Variants in ALLC observed in about 807,000 individuals in gnomAD.
ALLC encodes the protein allantoicase, also known as probable inactive allantoicase.
ALLC carries 40 observed loss-of-function variants against 45.0 expected under a neutral mutation model. The ratio of observed to expected loss-of-function variants is 0.89; its 90% CI spans 0.69 to 1.16. ALLC has a LOEUF of 1.16. ALLC is among the 50% of genes most tolerant of loss of function. The probability of loss-of-function intolerance (pLI) is 0.00; values close to 1 mark genes in which losing one functional copy is unlikely to be tolerated. For missense variants in ALLC, 488 were observed against 493.1 expected, an observed-to-expected ratio of 0.99 and a Z score of 0.10; for synonymous variants, 176 against 178.1, an observed-to-expected ratio of 0.99 and a Z score of 0.09.
Position 3,680,766 on chromosome 2 carries a change from C to T in ALLC, c.298+772C>T, listed in dbSNP as rs564700844. ...GCAGCCTCCAGAACAGGGAAGAGGG[C>T]GGTGTGCGTCACAGCCTCTGATTTG... On this transcript the variant is annotated intron_variant, in intron 5 of 11. Coordinates refer to ENST00000252505, the MANE Select transcript of ALLC (RefSeq NM_018436.4). The surrounding 1 kb of genome is among the most constrained non-coding windows in gnomAD (Gnocchi z 4.0). 3.3e-5 allele frequency among the ~76,000 whole-genome samples: 5 copies of T among 152,154 alleles called. No homozygotes were observed. Among genetic ancestry groups the T allele is most frequent in the East Asian group, 1.9e-4 (1 of 5,152 alleles).
intron 4 of ALLC, among the ~76,000 whole-genome samples, chr2:3,679,147 C>T (rs1454525975): frequency 1.3e-5 from 2 of 152,202 alleles, no homozygotes; most frequent in Admixed American, 1.3e-4. Flanking sequence ...TTTTTACTTG[C>T]CACTATCTCA....
intron 7 of ALLC, among the ~76,000 whole-genome samples, chr2:3,694,304 G>C (rs1667599580): frequency 1.3e-5 from 2 of 152,160 alleles, no homozygotes; most frequent in African/African-American, 2.4e-5. Flanking sequence ...TCATGTCCCA[G>C]CTCTTACTGG....
the ALLC span, among the ~76,000 whole-genome samples, chr2:3,651,319 GGGT>G: frequency 8.3e-5 from 4 of 48,466 alleles, no homozygotes; most frequent in African/African-American, 3.8e-4. Context: ...TGGGTGGGGG[GGGT>G]GTGTGTGTGT....
At chr2:3,668,875 C>T (rs1455517811) in intron 1 of ALLC, among the ~76,000 whole-genome samples, 1 of 151,876 alleles carries the variant, frequency 6.6e-6, no homozygotes, top group Non-Finnish European at 1.5e-5. Context: ...CGCGCCTGGC[C>T]ATGTGTATGA....
At chr2:3,653,577 A>G (rs147437934), upstream of ALLC, among the ~76,000 whole-genome samples, 1,095 of 151,910 alleles carry the variant, frequency 7.2e-3, 15 homozygotes, top group African/African-American at 0.025. The surrounding 1 kb of genome is among the most constrained non-coding windows in gnomAD (Gnocchi z 4.1). Flanking sequence ...ATTCCATCAC[A>G]GTTTGTTGGG....
Position 3,702,367 on chromosome 2 carries a change from C to A in ALLC, c.980C>A (p.Ser327Tyr). ...CTGCATCTGCTTGCTTTTCAGTTGT[C>A]TCCCAACCAAAGTCATCTGTTCGAT... is the stretch of plus-strand genomic sequence containing the variant. ...WKPLLPVTKL[S>Y]PNQSHLFDSL... The change falls in exon 12 of 12, where the codon TCT becomes TAT. Residue 327 changes from serine (S) to tyrosine (Y), a missense_variant. Coordinates refer to ENST00000252505, the MANE Select transcript of ALLC (RefSeq NM_018436.4). 1 of 1,612,912 alleles carries A rather than the reference C, an allele frequency of 6.2e-7. No homozygotes were observed. Among genetic ancestry groups the A allele is most frequent in the South Asian group, 1.1e-5 (1 of 90,892 alleles).
chr2:3,682,897 A>G, intron 6 of ALLC, 45 bp from the exon 7 acceptor site: 1 of 1,601,400 alleles, frequency 6.2e-7, no homozygotes, highest in South Asian at 1.1e-5. Context: ...GACAGAATTT[A>G]TTGTTTTCAA....
intron 7 of ALLC, among the ~76,000 whole-genome samples, chr2:3,689,935 A>G (rs910148158): frequency 1.4e-5 from 2 of 138,814 alleles, no homozygotes; most frequent in African/African-American, 5.5e-5. Flanking sequence ...TTATCATTAT[A>G]CAGTGTCTTG....
Position 3,681,685 on chromosome 2 carries a change from C to T in ALLC, c.350C>T (p.Thr117Ile), listed in dbSNP as rs747853817. The change falls in exon 6 of 12, where the codon ACT becomes ATT. Residue 117 changes from threonine to isoleucine, a missense_variant. Thr to Ile is a moderately conservative substitution (Grantham distance 89). Coordinates refer to ENST00000252505, the MANE Select transcript of ALLC (RefSeq NM_018436.4). ...ERGTRTGAAATPEEFEAIAEL... is the reference protein window; with the variant it reads ...ERGTRTGAAAIPEEFEAIAEL... ...GGAACCAGGACAGGAGCTGCAGCCA[C>T]TCCTGAGGAGTTTGAAGCCATTGCT... is the stretch of plus-strand genomic sequence containing the variant. 6.2e-7 allele frequency: 1 copy of T among 1,611,068 alleles called. No individual in the cohort carries two copies. The highest frequency in any genetic ancestry group is 1.1e-5 in the South Asian group (1 of 90,160).
chr2:3,676,451 G>C (rs367563846), intron 3 of ALLC, among the ~76,000 whole-genome samples: 1 of 152,234 alleles, frequency 6.6e-6, no homozygotes, highest in East Asian at 1.9e-4. Flanking sequence ...TAAATTTTTT[G>C]TAGAGATGAG....
upstream of ALLC, among the ~76,000 whole-genome samples, chr2:3,657,376 G>A (rs974563630): frequency 5.3e-5 from 8 of 152,248 alleles, no homozygotes; most frequent in Middle Eastern, 3.2e-3. Flanking sequence ...AAAAAGGAGC[G>A]TGTGGGTGAT....
At chr2:3,685,097 T>C (rs1464987451) in intron 7 of ALLC, among the ~76,000 whole-genome samples, 1 of 152,246 alleles carries the variant, frequency 6.6e-6, no homozygotes, top group Non-Finnish European at 1.5e-5. Context: ...GATTGCTGGA[T>C]GAATCTATTG....
chr2:3,666,250 G>A (rs1298133180), intron 1 of ALLC, among the ~76,000 whole-genome samples: 3 of 152,196 alleles, frequency 2.0e-5, no homozygotes, highest in Non-Finnish European at 4.4e-5. Flanking sequence ...GCTCTGTACC[G>A]GGGCATAGTG....
chr2:3,693,924 GT>G (rs1219950036), intron 7 of ALLC, among the ~76,000 whole-genome samples: 1 of 152,144 alleles, frequency 6.6e-6, no homozygotes, highest in Non-Finnish European at 1.5e-5. Context: ...GGAGGCGGAG[GT>G]TGCAGTGAGC....
At chr2:3,658,371 G>A (rs986826234) in intron 1 of ALLC, 77 bp downstream of exon 1, 1 of 152,232 alleles carries the variant, frequency 6.6e-6, no homozygotes, top group Non-Finnish European at 1.5e-5. Flanking sequence ...TGACAGAGAT[G>A]AATTTCAGTC....
chr2:3,652,400 C>T, the ALLC span, among the ~76,000 whole-genome samples: 327 of 152,332 alleles, frequency 2.1e-3, no homozygotes, highest in African/African-American at 7.5e-3. Context: ...AGCTACAATC[C>T]GCACAATTCT....
rs548157254 is a variant in ALLC, at chr2:3,685,447, C to CAGAG, written c.511+2385_511+2388dup. The stretch of plus-strand genomic sequence containing the variant: ...CAGGATCGAGAGAGAGAGAGAGAGA[C>CAGAG]AGAGAGAGAGAGAGACAGAGACAGA... On this transcript the variant is annotated intron_variant, in intron 7 of 11. Transcript: ENST00000252505. 4.0e-4 allele frequency among the ~76,000 whole-genome samples: 60 copies of CAGAG among 148,270 alleles called. 2 individuals are homozygous for CAGAG. The highest frequency in any genetic ancestry group is 3.3e-4 in the Non-Finnish European group (22 of 66,458).
intron 1 of ALLC, among the ~76,000 whole-genome samples, chr2:3,660,227 C>T (rs1049254534): frequency 2.0e-4 from 30 of 152,198 alleles, no homozygotes; most frequent in African/African-American, 7.0e-4. Context: ...CCCACGCTTC[C>T]TCTTCTGCCC....
intron 10 of ALLC, among the ~76,000 whole-genome samples, chr2:3,698,083 G>C: frequency 6.6e-6 from 1 of 152,042 alleles, no homozygotes; most frequent in Non-Finnish European, 1.5e-5. Flanking sequence ...TCCTGCCTCT[G>C]CCTCCTGAGT....
Sources: allele counts gnomAD v4.1 joint callset (sites outside exome capture counted in the v4.1 genomes callset), GRCh38; gene constraint gnomAD v4.1.1; non-coding constraint Gnocchi (gnomAD v3.1); transcripts MANE v1.5; gene names NCBI Gene and HGNC (gene_info 2026-07-23, HGNC 2026-07-21).